The following RABGAP1L variants were observed in gnomAD, a reference collection of about 807,000 sequenced individuals.
RABGAP1L encodes the protein rab GTPase-activating protein 1-like.
A neutral mutation model predicts 137.7 loss-of-function variants in RABGAP1L; 63 were observed. That is an observed-to-expected ratio of 0.46 (90% CI 0.37 to 0.56). RABGAP1L has a LOEUF of 0.56. Ranked by LOEUF, RABGAP1L falls within the 20% of genes least tolerant of loss-of-function variation. The pLI is 0.00. For synonymous variants in RABGAP1L, 431 were observed against 433.7 expected, an observed-to-expected ratio of 0.99 and a Z score of 0.08; for missense variants, 1,095 against 1,244.0, an observed-to-expected ratio of 0.88 and a Z score of 1.80.
chr1:174,470,201 ACTTCTC>A (rs1657756985), intron 13 of RABGAP1L, among the ~76,000 whole-genome samples: 1 of 152,130 alleles, frequency 6.6e-6, no homozygotes, highest in African/African-American at 2.4e-5. Flanking sequence ...TCTTTTTCTC[ACTTCTC>A]TATCATTAGC....
chr1:174,221,237 CA>C, intron 3 of RABGAP1L, 73 bp downstream of exon 3: 2 of 1,238,154 alleles, frequency 1.6e-6, no homozygotes, highest in Non-Finnish European at 2.2e-6. Flanking sequence ...AGATGAAAAT[CA>C]GAAAAAATTG....
intron 15 of RABGAP1L, among the ~76,000 whole-genome samples, chr1:174,691,398 C>T (rs1678868172): frequency 6.6e-6 from 1 of 152,152 alleles, no homozygotes; most frequent in South Asian, 2.1e-4. Context: ...GTAGTGAGGG[C>T]TTGGAGATTG....
intron 13 of RABGAP1L, among the ~76,000 whole-genome samples, chr1:174,615,016 G>C (rs1202416998): frequency 1.3e-5 from 2 of 152,134 alleles, no homozygotes; most frequent in Non-Finnish European, 2.9e-5. Context: ...CTTTGCCTTT[G>C]GTTTGAATTT....
At position 174,878,925 on chromosome 1, in the gene RABGAP1L, G is replaced by GTTT. The variant is rs869251284; in HGVS notation, c.2340+66988_2340+66990dup. On this transcript the variant is annotated intron_variant, in intron 19 of 25. Transcript: ENST00000681986. The stretch of plus-strand genomic sequence containing the variant: ...AGAATTATGTAATTTTTTGTGCATT[G>GTTT]TTTTTTTTTTTTTTTTTTTTTTTTT... Among the ~76,000 whole-genome samples, 317 of 85,150 alleles carry GTTT rather than the reference G, an allele frequency of 3.7e-3. 7 individuals carry two copies. Among genetic ancestry groups the GTTT allele is most frequent in the African/African-American group, 4.7e-3 (88 of 18,622 alleles). The allele number at this position is 85,150 out of a possible 152,430, so 55.9% of individuals were successfully genotyped here. A position where few individuals can be genotyped will look rare whatever the true frequency, so the allele number is the denominator to read the frequency against.
intron 13 of RABGAP1L, among the ~76,000 whole-genome samples, chr1:174,458,855 T>C (rs896796714): frequency 6.6e-6 from 1 of 152,142 alleles, no homozygotes; most frequent in African/African-American, 2.4e-5. Flanking sequence ...AGAGTTAATT[T>C]ACTTATAAGT....
At chr1:174,857,999 A>G (rs1198188582) in intron 19 of RABGAP1L, among the ~76,000 whole-genome samples, 2 of 152,056 alleles carry the variant, frequency 1.3e-5, no homozygotes, top group Non-Finnish European at 2.9e-5. Flanking sequence ...ATTGTATTTT[A>G]TTTTATTGTT....
At chr1:174,340,679 G>A (rs1309962099) in intron 11 of RABGAP1L, among the ~76,000 whole-genome samples, 1 of 152,084 alleles carries the variant, frequency 6.6e-6, no homozygotes, top group Non-Finnish European at 1.5e-5. Flanking sequence ...ATCTTGATGG[G>A]CATTTGGGTT....
chr1:174,516,222 C>G (rs561844088), intron 13 of RABGAP1L, among the ~76,000 whole-genome samples: 1 of 152,006 alleles, frequency 6.6e-6, no homozygotes, highest in South Asian at 2.1e-4. Flanking sequence ...GTGGCACAAT[C>G]ACAGCTCACT....
chr1:174,563,983 C>G (rs1175184539), intron 13 of RABGAP1L, among the ~76,000 whole-genome samples: 1 of 152,066 alleles, frequency 6.6e-6, no homozygotes, highest in Non-Finnish European at 1.5e-5. Context: ...ACTTTCAATG[C>G]CTTCCCTGGG....
At chr1:174,204,505 T>C (rs1043039980) in intron 1 of RABGAP1L, among the ~76,000 whole-genome samples, 3 of 152,234 alleles carry the variant, frequency 2.0e-5, no homozygotes, top group Admixed American at 2.0e-4. Flanking sequence ...CAGGGAATGC[T>C]TCTAGCTTTT....
At chr1:174,250,864 G>A (rs1465502451) in intron 6 of RABGAP1L, among the ~76,000 whole-genome samples, 8 of 152,210 alleles carry the variant, frequency 5.3e-5, no homozygotes, top group Admixed American at 4.6e-4. Context: ...GCAATGGCAC[G>A]ATCTCGACTC....
intron 13 of RABGAP1L, among the ~76,000 whole-genome samples, chr1:174,461,722 T>A (rs974638642): frequency 2.6e-5 from 4 of 152,190 alleles, no homozygotes; most frequent in African/African-American, 9.6e-5. Context: ...AGTGCCTTGC[T>A]GTTACCAACT....
intron 19 of RABGAP1L, among the ~76,000 whole-genome samples, chr1:174,835,473 A>C (rs73028402): frequency 1.3e-5 from 2 of 152,202 alleles, no homozygotes; most frequent in Non-Finnish European, 2.9e-5. Flanking sequence ...AATGCAATAA[A>C]TACACCATTC....
At chr1:174,447,762 A>G (rs1478760190) in intron 13 of RABGAP1L, among the ~76,000 whole-genome samples, 2 of 152,036 alleles carry the variant, frequency 1.3e-5, no homozygotes, top group African/African-American at 2.4e-5. Flanking sequence ...GTGCAAGATA[A>G]TAAGAAGTCT....
intron 17 of RABGAP1L, among the ~76,000 whole-genome samples, chr1:174,726,703 G>A (rs1682016130): frequency 6.6e-6 from 1 of 151,732 alleles, no homozygotes; most frequent in Non-Finnish European, 1.5e-5. Flanking sequence ...TCTTATGTAT[G>A]GTGCCATCTG....
At chr1:174,968,250 G>A (rs944531326) in intron 20 of RABGAP1L, among the ~76,000 whole-genome samples, 1 of 152,158 alleles carries the variant, frequency 6.6e-6, no homozygotes, top group Non-Finnish European at 1.5e-5. Context: ...TGCTTTGTCT[G>A]AGTTTTTGCC....
intron 18 of RABGAP1L, among the ~76,000 whole-genome samples, chr1:174,787,081 G>A (rs1687498743): frequency 6.6e-6 from 1 of 152,130 alleles, no homozygotes; most frequent in Non-Finnish European, 1.5e-5. Flanking sequence ...AAAGGCAGAG[G>A]AGGGAAGTAA....
intron 11 of RABGAP1L, among the ~76,000 whole-genome samples, chr1:174,306,790 C>T (rs1281873737): frequency 1.3e-5 from 2 of 152,046 alleles, no homozygotes; most frequent in African/African-American, 4.8e-5. Flanking sequence ...TATCATATGG[C>T]TCTGTGCTCA....
intron 13 of RABGAP1L, among the ~76,000 whole-genome samples, chr1:174,568,635 G>GGCATCC (rs1379434129): frequency 2.0e-5 from 3 of 152,148 alleles, no homozygotes; most frequent in Non-Finnish European, 4.4e-5. Flanking sequence ...ATAGGAGTGT[G>GGCATCC]CACTTGAATT....
Sources: allele counts gnomAD v4.1 joint callset (sites outside exome capture counted in the v4.1 genomes callset), GRCh38; gene constraint gnomAD v4.1.1; transcripts MANE v1.5; gene names NCBI Gene and HGNC (gene_info 2026-07-23, HGNC 2026-07-21).